BAZ1A: variants seen among roughly 807,000 people sequenced by gnomAD.
BAZ1A encodes bromodomain adjacent to zinc finger domain 1A.
BAZ1A carries 50 observed loss-of-function variants against 185.2 expected under a neutral mutation model. The ratio of observed to expected loss-of-function variants is 0.27; its 90% CI spans 0.22 to 0.34. The LOEUF is 0.34. Among genes scored for constraint, BAZ1A ranks in the 10% least tolerant of loss-of-function variants. The probability of loss-of-function intolerance (pLI) is 1.00; values close to 1 mark genes in which losing one functional copy is unlikely to be tolerated. For missense variants in BAZ1A, 1,356 were observed against 1,839.9 expected (o/e 0.74, Z 4.81); for synonymous variants, 571 against 615.6 (o/e 0.93, Z 1.07).
chr14:34,802,603 CT>C (rs1305228724), intron 7 of BAZ1A, among the ~76,000 whole-genome samples: 2 of 152,212 alleles, frequency 1.3e-5, no homozygotes, highest in African/African-American at 4.8e-5. Flanking sequence ...TCAGTAATTG[CT>C]TATGTGCTTG....
chr14:34,815,061 C>T (rs963819129), intron 4 of BAZ1A, among the ~76,000 whole-genome samples: 1 of 152,166 alleles, frequency 6.6e-6, no homozygotes, highest in Non-Finnish European at 1.5e-5. Flanking sequence ...AGGCGTGAGC[C>T]ACTGCGCCTG....
rs753809483 is a variant in BAZ1A, at chr14:34,795,655, A to G, written c.1224+15T>C. The G allele has an allele frequency of 3.2e-6, 5 of 1,574,926 alleles. No homozygotes were observed. Among genetic ancestry groups the G allele is most frequent in the African/African-American group, 2.7e-5 (2 of 73,308 alleles). ...AAAACCTATGTGTGCTAAACATCAC[A>G]TAACATGTTTATACCTTAAGGTCAT... On this transcript the variant is annotated intron_variant, in intron 10 of 26. Transcript: ENST00000360310.
At chr14:34,873,872 T>G (rs992906331) in intron 2 of BAZ1A, among the ~76,000 whole-genome samples, 2 of 152,006 alleles carry the variant, frequency 1.3e-5, no homozygotes, top group Admixed American at 1.3e-4. Flanking sequence ...GGACGGAGGC[T>G]CTCGCGTCCC....
chr14:34,784,358 A>C (rs1880269314), intron 14 of BAZ1A, among the ~76,000 whole-genome samples: 2 of 96,722 alleles, frequency 2.1e-5, no homozygotes, highest in African/African-American at 4.3e-5. Context: ...ACTGAGTGAG[A>C]CTCTGTCTCA....
chr14:34,858,029 T>C (rs927274539), intron 3 of BAZ1A, among the ~76,000 whole-genome samples: 8 of 152,238 alleles, frequency 5.3e-5, no homozygotes, highest in African/African-American at 1.9e-4. Flanking sequence ...CTATGTGCCA[T>C]TTTAAGTGCT....
At chr14:34,764,185 T>C (rs1878644117) in intron 23 of BAZ1A, among the ~76,000 whole-genome samples, 1 of 152,106 alleles carries the variant, frequency 6.6e-6, no homozygotes, top group Non-Finnish European at 1.5e-5. Flanking sequence ...TCTCTCAGAT[T>C]CCCCAAATTA....
rs568376437 is a variant in BAZ1A at position 34,861,978 on chromosome 14, G to T, written c.392+66C>A. 2.1e-4 allele frequency: 321 copies of T among 1,530,930 alleles called. 2 individuals are homozygous for T. In the African/African-American group the frequency reaches 3.8e-3, roughly 18 times the overall value. 94.8% of individuals were successfully genotyped at this position (1,530,930 alleles called of 1,614,324 possible). ...GAAGATTTCCTTAGGTCACCACTTT[G>T]TGTGTTTTGGATTTTGAGCAATGTG... On this transcript the variant is annotated intron_variant, in intron 3 of 26. Transcript: ENST00000360310.
intron 4 of BAZ1A, among the ~76,000 whole-genome samples, chr14:34,824,376 TAAAAAAAAAAA>T (rs59459941): frequency 2.9e-4 from 8 of 27,700 alleles, no homozygotes; most frequent in African/African-American, 1.4e-3. Context: ...TCCATCTCTT[TAAAAAAAAAAA>T]AAAAAAAAAA....
chr14:34,813,808 G>A (rs1478489538), intron 4 of BAZ1A, among the ~76,000 whole-genome samples: 1 of 152,132 alleles, frequency 6.6e-6, no homozygotes, highest in East Asian at 1.9e-4. Context: ...GGGAGGCTGA[G>A]GCAGGCAGAT....
chr14:34,830,733 T>C (rs146619445), intron 3 of BAZ1A, among the ~76,000 whole-genome samples: 27 of 151,768 alleles, frequency 1.8e-4, no homozygotes, highest in Non-Finnish European at 3.2e-4. Flanking sequence ...GAGAGAGCAT[T>C]GCTGGAATTA....
intron 25 of BAZ1A, among the ~76,000 whole-genome samples, chr14:34,757,784 G>C (rs983668041): frequency 6.7e-6 from 1 of 149,468 alleles, no homozygotes; most frequent in African/African-American, 2.5e-5. Flanking sequence ...TTGTTGCCCA[G>C]CCTGGAGTGT....
chr14:34,872,579 C>T lies in BAZ1A; in HGVS notation c.113+1913G>A, dbSNP rs183111927. 4.3e-3 allele frequency among the ~76,000 whole-genome samples: 649 copies of T among 152,066 alleles called. 3 individuals are homozygous for T. Among genetic ancestry groups the T allele is most frequent in the Admixed American group, 6.3e-3 (96 of 15,288 alleles). On this transcript the variant is annotated intron_variant, in intron 2 of 26. Transcript: ENST00000360310. ...TTGTGCCACTGCACTCCAGCCTGGG[C>T]GACAGAGCGAGAACCTGTCTCAAAA...
chr14:34,786,901 A>ACCAG (rs2138618967), intron 12 of BAZ1A, among the ~76,000 whole-genome samples: 2 of 151,822 alleles, frequency 1.3e-5, no homozygotes, highest in African/African-American at 4.8e-5. Context: ...AACCATGGTG[A>ACCAG]CCAGCCCTTT....
chr14:34,766,517 C>T (rs111629985), intron 21 of BAZ1A, among the ~76,000 whole-genome samples: 2,170 of 152,120 alleles, frequency 0.014, 55 homozygotes, highest in African/African-American at 0.048. Context: ...TCTAAAAAGC[C>T]AGGACCCCAG....
chr14:34,803,122 T>G, intron 6 of BAZ1A, 134 bp from the exon 7 acceptor site: 1 of 943,828 alleles, frequency 1.1e-6, no homozygotes, highest in Non-Finnish European at 1.6e-6. Context: ...GGCTCATGCC[T>G]GTAATCCCAG....
In BAZ1A at chr14:34,780,325, CA is replaced by C; in HGVS notation, c.2112-16del. On this transcript the variant is annotated splice_polypyrimidine_tract_variant and intron_variant, in intron 16 of 26. Coordinates refer to ENST00000360310, the MANE Select transcript of BAZ1A (RefSeq NM_013448.3). Reference sequence around the variant, plus strand: ...TTTCTTCCTCCCTTTAGGATAAAAACAAAGATGACATTTACTAATGAATATA... The same window carrying C: ...TTTCTTCCTCCCTTTAGGATAAAAACAAGATGACATTTACTAATGAATATA... The C allele has an allele frequency of 6.3e-7, 1 of 1,595,680 alleles. No homozygotes were observed. Among genetic ancestry groups the C allele is most frequent in the African/African-American group, 1.4e-5 (1 of 73,874 alleles).
intron 6 of BAZ1A, among the ~76,000 whole-genome samples, chr14:34,803,306 G>T (rs553151067): frequency 2.7e-5 from 4 of 150,512 alleles, no homozygotes; most frequent in African/African-American, 9.8e-5. Flanking sequence ...TTGAATCTGG[G>T]AGGTGGAGGT....
At chr14:34,806,908 C>G (rs1881882601) in intron 6 of BAZ1A, among the ~76,000 whole-genome samples, 1 of 151,428 alleles carries the variant, frequency 6.6e-6, no homozygotes, top group Non-Finnish European at 1.5e-5. Flanking sequence ...CACCACCACA[C>G]CCAGCTAATT....
At chr14:34,763,611 A>G (rs1878588979) in intron 23 of BAZ1A, among the ~76,000 whole-genome samples, 1 of 152,230 alleles carries the variant, frequency 6.6e-6, no homozygotes, top group Middle Eastern at 3.4e-3. Flanking sequence ...TGCTACAATT[A>G]TAATTTTTTT....
Sources: gnomAD v4.1 joint callset for allele counts (sites outside exome capture counted in the v4.1 genomes callset) on GRCh38, gnomAD v4.1.1 for gene constraint, MANE v1.5 for transcripts, NCBI Gene and HGNC (gene_info 2026-07-23, HGNC 2026-07-21) for gene names.